TSPAN7: variants seen among roughly 807,000 people sequenced by gnomAD.
The protein encoded by TSPAN7 is tetraspanin-7.
Under a neutral mutation model 17.6 loss-of-function variants are expected in TSPAN7, and 1 was observed. That is an observed-to-expected ratio of 0.06 (90% CI 0.02 to 0.27). The LOEUF (loss-of-function observed/expected upper bound fraction) is 0.27. TSPAN7 is among the 10% of genes least tolerant of loss of function. The pLI, the probability that TSPAN7 is intolerant of heterozygous loss-of-function variation, is 1.00. For missense variants in TSPAN7, 112 were observed against 201.7 expected (o/e 0.56, Z 2.69); for synonymous variants, 78 against 79.0 (o/e 0.99, Z 0.07).
At chrX:38,665,719 T>C (rs186111315) in intron 1 of TSPAN7, among the ~76,000 whole-genome samples, 124 of 112,312 alleles carry the variant, frequency 1.1e-3, no homozygotes, top group East Asian at 5.6e-3. Context: ...TAAAATATAC[T>C]GTGTACACAC....
intron 1 of TSPAN7, among the ~76,000 whole-genome samples, chrX:38,581,502 CT>C (rs1376165000): frequency 4.5e-5 from 5 of 111,361 alleles, no homozygotes; most frequent in Admixed American, 9.5e-5. Context: ...AGACCCCCCC[CT>C]CATGATTCAA....
intron 1 of TSPAN7, among the ~76,000 whole-genome samples, chrX:38,578,830 T>C (rs2069210878): frequency 9.0e-6 from 1 of 111,641 alleles, no homozygotes; most frequent in Non-Finnish European, 1.9e-5. Flanking sequence ...ATTACATATA[T>C]AAGCATATGT....
At chrX:38,608,844 A>G (rs2069400843) in intron 1 of TSPAN7, among the ~76,000 whole-genome samples, 1 of 111,673 alleles carries the variant, frequency 9.0e-6, no homozygotes, top group Admixed American at 9.5e-5. Flanking sequence ...CAAATAACTT[A>G]ACCACCTTTT....
At chrX:38,618,410 C>G (rs1325032392) in intron 1 of TSPAN7, among the ~76,000 whole-genome samples, 6 of 111,568 alleles carry the variant, frequency 5.4e-5, no homozygotes, top group Admixed American at 4.7e-4. Context: ...TGCGAATAAG[C>G]AAAGGAATCA....
intron 1 of TSPAN7, among the ~76,000 whole-genome samples, chrX:38,665,872 C>A (rs190918758): frequency 1.8e-5 from 2 of 111,892 alleles, no homozygotes; most frequent in Non-Finnish European, 3.8e-5. Context: ...TTATTGTTGG[C>A]TTGACTTCTA....
At chrX:38,592,245 T>A (rs762000285) in intron 1 of TSPAN7, among the ~76,000 whole-genome samples, 1 of 111,319 alleles carries the variant, frequency 9.0e-6, no homozygotes. Flanking sequence ...CCAAACCATA[T>A]CTCTTCCCAC....
chrX:38,625,822 C>T (rs2069519152), intron 1 of TSPAN7, among the ~76,000 whole-genome samples: 1 of 112,079 alleles, frequency 8.9e-6, no homozygotes, highest in African/African-American at 3.2e-5. Context: ...AATTTTCTTT[C>T]TGATAGCTTC....
chrX:38,647,169 G>A (rs1216611508), intron 1 of TSPAN7, among the ~76,000 whole-genome samples: 2 of 112,465 alleles, frequency 1.8e-5, no homozygotes, highest in Non-Finnish European at 3.8e-5. Context: ...GGTTGGTTTT[G>A]CTAGTTAAAA....
chrX:38,616,369 C>T (rs369585919), intron 1 of TSPAN7, among the ~76,000 whole-genome samples: 34 of 112,007 alleles, frequency 3.0e-4, no homozygotes, highest in Admixed American at 2.0e-3. Flanking sequence ...TCTCTCTCAA[C>T]GGCTATACCT....
intron 1 of TSPAN7, among the ~76,000 whole-genome samples, chrX:38,565,613 T>C (rs1412924378): frequency 8.9e-6 from 1 of 112,302 alleles, no homozygotes; most frequent in Admixed American, 9.4e-5. Context: ...TTAATAGGAA[T>C]TTTTCCCTTT....
intron 1 of TSPAN7, among the ~76,000 whole-genome samples, chrX:38,664,199 TG>T (rs1361938510): frequency 8.9e-6 from 1 of 112,221 alleles, no homozygotes; most frequent in Non-Finnish European, 1.9e-5. Flanking sequence ...TGATAAGCTC[TG>T]TTTTATAAAA....
intron 4 of TSPAN7, among the ~76,000 whole-genome samples, chrX:38,675,457 C>T (rs1227466268): frequency 8.9e-6 from 1 of 111,961 alleles, no homozygotes; most frequent in African/African-American, 3.3e-5. Context: ...AGACGCACTG[C>T]TTTGCTTTGT....
chrX:38,636,616 G>T (rs1027684069), intron 1 of TSPAN7, among the ~76,000 whole-genome samples: 13 of 111,788 alleles, frequency 1.2e-4, no homozygotes, highest in Non-Finnish European at 5.6e-5. Flanking sequence ...CAGAGGCCAA[G>T]ACTGTATACC....
intron 1 of TSPAN7, among the ~76,000 whole-genome samples, chrX:38,580,523 T>C (rs2069221953): frequency 9.0e-6 from 1 of 111,676 alleles, no homozygotes; most frequent in African/African-American, 3.3e-5. Context: ...GTGGTCCATG[T>C]GGAGCAAAAT....
intron 1 of TSPAN7, among the ~76,000 whole-genome samples, chrX:38,609,677 C>T (rs905073165): frequency 9.3e-6 from 1 of 107,378 alleles, no homozygotes; most frequent in Non-Finnish European, 1.9e-5. Context: ...AAGAAAAATC[C>T]AAGGACCTCT....
At chrX:38,594,432 A>G (rs991127720) in intron 1 of TSPAN7, among the ~76,000 whole-genome samples, 3 of 111,575 alleles carry the variant, frequency 2.7e-5, no homozygotes, top group Non-Finnish European at 5.7e-5. Context: ...AAACATGACA[A>G]TGCTTCTCAG....
intron 1 of TSPAN7, among the ~76,000 whole-genome samples, chrX:38,631,033 C>T (rs1426371798): frequency 1.8e-5 from 2 of 112,420 alleles, no homozygotes; most frequent in Non-Finnish European, 3.8e-5. Flanking sequence ...TAGAATTCTT[C>T]ATTATTCATA....
intron 1 of TSPAN7, among the ~76,000 whole-genome samples, chrX:38,570,000 A>G (rs182668126): frequency 1.1e-4 from 12 of 112,222 alleles, no homozygotes; most frequent in Admixed American, 6.6e-4. Context: ...AAGTTGGAAC[A>G]GACTTACTAA....
At chrX:38,562,942 C>G in intron 1 of TSPAN7, 1 of 949,510 alleles carries the variant, frequency 1.1e-6, no homozygotes, top group South Asian at 2.1e-5. Flanking sequence ...CCCTCACCCA[C>G]CACCATATAT....
Sources: allele counts gnomAD v4.1 joint callset (sites outside exome capture counted in the v4.1 genomes callset), GRCh38; gene constraint gnomAD v4.1.1; transcripts MANE v1.5; gene names NCBI Gene and HGNC (gene_info 2026-07-23, HGNC 2026-07-21).